DHRS4: variants seen among roughly 807,000 people sequenced by gnomAD.
The protein encoded by DHRS4 is dehydrogenase/reductase 4.
In DHRS4, 20 loss-of-function variants were observed where a neutral mutation model predicts 28.4. The observed-to-expected ratio is 0.71, with a 90% CI of 0.50 to 1.02. DHRS4 has a LOEUF of 1.02. Among genes scored for constraint, DHRS4 ranks in the 50% least tolerant of loss-of-function variants. The pLI is 0.00. For missense variants in DHRS4, 378 were observed against 367.2 expected, an observed-to-expected ratio of 1.03 and a Z score of -0.24; for synonymous variants, 144 against 146.4, an observed-to-expected ratio of 0.98 and a Z score of 0.12.
At chr14:23,956,877 A>G (rs2033196946) in intron 2 of DHRS4, among the ~76,000 whole-genome samples, 1 of 152,204 alleles carries the variant, frequency 6.6e-6, no homozygotes, top group Admixed American at 6.5e-5. Flanking sequence ...TGCTGGGATT[A>G]CAGGCGTGAG....
chr14:23,963,839 T>C (rs922527266), intron 3 of DHRS4, among the ~76,000 whole-genome samples: 4 of 149,740 alleles, frequency 2.7e-5, no homozygotes, highest in Non-Finnish European at 4.4e-5. Context: ...AAGTGAAAGA[T>C]GTGTGACTCT....
rs1415051401 is a variant in DHRS4 at position 23,956,681 on chromosome 14, T to C, written c.306+1469T>C. 4.7e-5 allele frequency among the ~76,000 whole-genome samples: 7 copies of C among 149,078 alleles called. No individual in the cohort carries two copies. The Admixed American group carries it at 4.8e-4, about 10-fold the overall frequency. On this transcript the variant is annotated intron_variant, in intron 2 of 7. Transcript: ENST00000313250. The stretch of plus-strand genomic sequence containing the variant: ...GTGATATGGCACAATCTCAGCTCAC[T>C]GCAACCTCCGCCTCCAGGTTCAAGC...
Position 23,968,876 on chromosome 14 carries a change from C to G in DHRS4, c.*5C>G. On this transcript the variant is annotated 3_prime_UTR_variant, in exon 8 of 8. Transcript: ENST00000313250. The stretch of plus-strand genomic sequence containing the variant: ...GGAACCCCGTCCCGCCTCTGAGGAC[C>G]GGGAGACAGCCCACAGGCCAGAGTT... The G allele has an allele frequency of 1.2e-6, 2 of 1,606,042 alleles. No homozygotes were observed. Among genetic ancestry groups the G allele is most frequent in the South Asian group, 1.1e-5 (1 of 89,834 alleles).
At chr14:23,956,864 A>G (rs1041920644) in intron 2 of DHRS4, among the ~76,000 whole-genome samples, 1 of 152,134 alleles carries the variant, frequency 6.6e-6, no homozygotes, top group Non-Finnish European at 1.5e-5. Context: ...CGGCCTCCCA[A>G]TGTGCTGGGA....
chr14:23,966,685 A>C (rs1325545142), intron 6 of DHRS4, among the ~76,000 whole-genome samples: 1 of 152,096 alleles, frequency 6.6e-6, no homozygotes, highest in Non-Finnish European at 1.5e-5. Flanking sequence ...GGAGAGACGC[A>C]GCAAAATGCA....
At chr14:23,960,279 T>C (rs2033363947) in intron 3 of DHRS4, among the ~76,000 whole-genome samples, 1 of 152,096 alleles carries the variant, frequency 6.6e-6, no homozygotes, top group African/African-American at 2.4e-5. Flanking sequence ...TTCCCTGGCA[T>C]GCTCTTCTGC....
At chr14:23,960,639 T>C (rs2181423) in intron 3 of DHRS4, among the ~76,000 whole-genome samples, 9 of 151,922 alleles carry the variant, frequency 5.9e-5, no homozygotes, top group East Asian at 1.9e-4. Context: ...TCACACACAC[T>C]CTTTAATTAC....
intron 2 of DHRS4, among the ~76,000 whole-genome samples, chr14:23,955,889 A>C (rs905666760): frequency 3.3e-5 from 5 of 152,226 alleles, no homozygotes; most frequent in Admixed American, 1.3e-4. Context: ...GCTGAAGCAA[A>C]TATGAAGCAT....
At position 23,969,101 on chromosome 14, in the gene DHRS4, C is replaced by G. The variant is rs1186317709; in HGVS notation, c.*230C>G. Reference sequence around the variant, plus strand: ...GCCTCCCCTGAGAACACAGGACAGGCCTGCTGACAAGGCTGAGTCTACCTT... The same window carrying G: ...GCCTCCCCTGAGAACACAGGACAGGGCTGCTGACAAGGCTGAGTCTACCTT... On this transcript the variant is annotated 3_prime_UTR_variant, in exon 8 of 8. Coordinates refer to ENST00000313250, the MANE Select transcript of DHRS4 (RefSeq NM_021004.4). 2.6e-5 allele frequency: 17 copies of G among 643,490 alleles called. No individual in the cohort carries two copies. The highest frequency in any genetic ancestry group is 4.1e-5 in the Non-Finnish European group (17 of 411,108). The allele number at this position is 643,490 out of a possible 1,614,324, so 39.9% of individuals were successfully genotyped here.
At chr14:23,955,380 C>T (rs1205399249) in intron 2 of DHRS4, among the ~76,000 whole-genome samples, 168 bp downstream of exon 2, 3 of 152,056 alleles carry the variant, frequency 2.0e-5, no homozygotes, top group African/African-American at 2.4e-5. Flanking sequence ...AATTTTAAAA[C>T]ATTCTAATGC....
At chr14:23,954,008 A>C in intron 1 of DHRS4, 92 bp downstream of exon 1, 1 of 1,509,608 alleles carries the variant, frequency 6.6e-7, no homozygotes, top group Non-Finnish European at 8.9e-7. Context: ...CTGTCCTCAG[A>C]CCTTACACGC....
rs757239076 is a variant in DHRS4 at position 23,953,830 on chromosome 14, G to A, written c.42G>A (p.Trp14Ter). 2.7e-5 allele frequency: 44 copies of A among 1,613,990 alleles called. No homozygotes were observed. Among genetic ancestry groups the A allele is most frequent in the Non-Finnish European group, 3.6e-5 (42 of 1,179,996 alleles). Reference protein sequence around the residue: ...AGLLGLCARAWNSVRMASSGM... With the variant: ...AGLLGLCARA The stretch of plus-strand genomic sequence containing the variant: ...TGCTAGGCCTCTGTGCCCGGGCTTG[G>A]AATTCGGTGCGGATGGCCAGCTCCG... Residue 14 changes from tryptophan (W) to a stop codon, truncating the protein, a stop_gained, in exon 1 of 8, where the codon TGG becomes TGA. Coordinates refer to ENST00000313250, the MANE Select transcript of DHRS4 (RefSeq NM_021004.4). LOFTEE classifies it high-confidence loss of function.
intron 1 of DHRS4, 187 bp downstream of exon 1, chr14:23,954,103 C>G: frequency 1.1e-6 from 1 of 897,028 alleles, no homozygotes; most frequent in South Asian, 1.7e-5. Flanking sequence ...CCCTCCCTTG[C>G]CAGCCCTCCT....
intron 2 of DHRS4, among the ~76,000 whole-genome samples, chr14:23,956,392 A>G (rs1376732329): frequency 6.6e-6 from 1 of 152,212 alleles, no homozygotes; most frequent in Non-Finnish European, 1.5e-5. Flanking sequence ...CAGAGGTGGT[A>G]CTTGAGCTAA....
At chr14:23,957,913 T>C (rs1355576765) in intron 2 of DHRS4, among the ~76,000 whole-genome samples, 1 of 150,486 alleles carries the variant, frequency 6.6e-6, no homozygotes, top group Non-Finnish European at 1.5e-5. Flanking sequence ...CCCATCTCTG[T>C]GCTGACAGAC....
chr14:23,959,422 G>C (rs1275949946), intron 2 of DHRS4, among the ~76,000 whole-genome samples: 3 of 152,122 alleles, frequency 2.0e-5, no homozygotes, highest in Non-Finnish European at 4.4e-5. Context: ...CCCGGGTGTG[G>C]TGGCACGCAC....
At chr14:23,966,492 A>T in intron 6 of DHRS4, 75 bp downstream of exon 6, 1 of 1,590,816 alleles carries the variant, frequency 6.3e-7, no homozygotes, top group Non-Finnish European at 8.6e-7. Context: ...GAAGCCCACT[A>T]CCTGAGTCCT....
chr14:23,959,059 T>C (rs2033292666), intron 2 of DHRS4, among the ~76,000 whole-genome samples: 1 of 152,108 alleles, frequency 6.6e-6, no homozygotes, highest in Admixed American at 6.5e-5. Flanking sequence ...GACTTTGAGA[T>C]AATGGTAACT....
intron 3 of DHRS4, among the ~76,000 whole-genome samples, chr14:23,961,553 G>T: frequency 9.0e-6 from 1 of 110,550 alleles, no homozygotes; most frequent in Non-Finnish European, 1.7e-5. Context: ...TTCCCTCGCT[G>T]TGTCATTGAG....
Sources: allele counts gnomAD v4.1 joint callset (sites outside exome capture counted in the v4.1 genomes callset), GRCh38; gene constraint gnomAD v4.1.1; transcripts MANE v1.5; gene names NCBI Gene and HGNC (gene_info 2026-07-23, HGNC 2026-07-21).